Variants in ZFP91 observed in about 807,000 individuals in gnomAD.
ZFP91 encodes E3 ubiquitin-protein ligase ZFP91.
A neutral mutation model predicts 63.5 loss-of-function variants in ZFP91; 7 were observed. That is an observed-to-expected ratio of 0.11 (90% CI 0.06 to 0.21). The LOEUF (loss-of-function observed/expected upper bound fraction) is 0.21, where lower values mean the gene tolerates loss of function less well. ZFP91 is among the 10% of genes least tolerant of loss of function. ZFP91 has a pLI of 1.00. For synonymous variants in ZFP91, 330 were observed against 272.1 expected, an observed-to-expected ratio of 1.21 and a Z score of -2.10; for missense variants, 628 against 736.6, an observed-to-expected ratio of 0.85 and a Z score of 1.71.
At chr11:58,602,598 G>A (rs761575352) in intron 2 of ZFP91, among the ~76,000 whole-genome samples, 1 of 152,114 alleles carries the variant, frequency 6.6e-6, no homozygotes, top group African/African-American at 2.4e-5. Context: ...GATATTAGTA[G>A]GGCCACCTTT....
Position 58,609,897 on chromosome 11 carries a change from T to A in ZFP91, c.438T>A (p.Ser146=). The change falls in exon 3 of 11, where the codon TCT becomes TCA. Residue 146 remains serine, a synonymous_variant. Transcript: ENST00000316059. ...ALPQEVSIAA[S]RPSRGWRSSR... is the part of the protein sequence containing the mutation. ...CTCAGGAAGTTTCCATTGCTGCATCTAGACCTAGCCGGGGCTGGCGTAGTA... is the reference window on the plus strand; with the variant it reads ...CTCAGGAAGTTTCCATTGCTGCATCAAGACCTAGCCGGGGCTGGCGTAGTA... The A allele has an allele frequency of 6.2e-7, 1 of 1,614,216 alleles. No individual in the cohort carries two copies. Among genetic ancestry groups the A allele is most frequent in the Non-Finnish European group, 8.5e-7 (1 of 1,180,032 alleles).
At chr11:58,611,398 C>G in intron 5 of ZFP91, 1 of 625,234 alleles carries the variant, frequency 1.6e-6, no homozygotes, top group East Asian at 2.8e-5. Context: ...CATCTTTAGT[C>G]TGGGGAGGGT....
chr11:58,580,176 A>G (rs1437037038), intron 1 of ZFP91, among the ~76,000 whole-genome samples: 3 of 151,780 alleles, frequency 2.0e-5, no homozygotes, highest in African/African-American at 7.3e-5. Flanking sequence ...GGTCAGGTTA[A>G]AAGCCCACTG....
intron 2 of ZFP91, among the ~76,000 whole-genome samples, chr11:58,607,319 T>A (rs1218364636): frequency 6.6e-6 from 1 of 152,250 alleles, no homozygotes; most frequent in Non-Finnish European, 1.5e-5. Flanking sequence ...TCTCAAAATA[T>A]GATTTCTAAA....
chr11:58,589,759 G>A (rs555597911), intron 2 of ZFP91, among the ~76,000 whole-genome samples: 5 of 152,290 alleles, frequency 3.3e-5, no homozygotes, highest in African/African-American at 9.6e-5. Flanking sequence ...GTATGGCCCA[G>A]ATCCTTTAAT....
At chr11:58,589,817 TATTA>T (rs1252725164) in intron 2 of ZFP91, among the ~76,000 whole-genome samples, 13 of 152,210 alleles carry the variant, frequency 8.5e-5, no homozygotes, top group Non-Finnish European at 1.5e-5. Context: ...TCTTTTCCAT[TATTA>T]ATTTCCTACA....
chr11:58,612,536 TG>T, intron 7 of ZFP91: 1 of 625,500 alleles, frequency 1.6e-6, no homozygotes, highest in South Asian at 2.1e-5. Flanking sequence ...ACTTTACCTT[TG>T]GGGGGTCATT....
At chr11:58,614,086 G>A in intron 8 of ZFP91, 143 bp from the exon 9 acceptor site, 1 of 472,846 alleles carries the variant, frequency 2.1e-6, no homozygotes, top group Non-Finnish European at 3.7e-6. Flanking sequence ...TATGTTCTTA[G>A]CCACTTTATT....
chr11:58,593,245 C>CT (rs1555016027), intron 2 of ZFP91, among the ~76,000 whole-genome samples: 1 of 152,190 alleles, frequency 6.6e-6, no homozygotes, highest in African/African-American at 2.4e-5. Context: ...GAATGAAACT[C>CT]TAAGTTTATC....
At chr11:58,587,517 T>G (rs547850281) in intron 2 of ZFP91, among the ~76,000 whole-genome samples, 1 of 152,286 alleles carries the variant, frequency 6.6e-6, no homozygotes, top group South Asian at 2.1e-4. Flanking sequence ...TACTTCAAAC[T>G]TGAAAGCTTA....
At chr11:58,590,781 G>A (rs1279334578) in intron 2 of ZFP91, among the ~76,000 whole-genome samples, 1 of 152,104 alleles carries the variant, frequency 6.6e-6, no homozygotes, top group Non-Finnish European at 1.5e-5. Context: ...CTGTGTTTAA[G>A]AGTGGGATTG....
Position 58,618,763 on chromosome 11 carries a change from A to C in ZFP91, c.*1057A>C. 2.2e-6 allele frequency: 1 copy of C among 449,842 alleles called. No individual in the cohort carries two copies. The highest frequency in any genetic ancestry group is 4.4e-6 in the Non-Finnish European group (1 of 224,998). The allele number at this position is 449,842 out of a possible 1,614,324, so 27.9% of individuals were successfully genotyped here. ...TTAAAGAAAGCTGGTCCTCAGCACT[A>C]ACAAAATCACTACAATAGCCTAGTG... On this transcript the variant is annotated 3_prime_UTR_variant, in exon 11 of 11. Coordinates refer to ENST00000316059, the MANE Select transcript of ZFP91 (RefSeq NM_053023.5).
chr11:58,612,479 T>C (rs1219283606), intron 7 of ZFP91, 151 bp downstream of exon 7: 2 of 708,618 alleles, frequency 2.8e-6, no homozygotes, highest in South Asian at 2.0e-5. Flanking sequence ...ACAGGTGTTA[T>C]GATCTTATTT....
chr11:58,591,969 A>G (rs1232739396), intron 2 of ZFP91, among the ~76,000 whole-genome samples: 1 of 152,126 alleles, frequency 6.6e-6, no homozygotes, highest in African/African-American at 2.4e-5. Context: ...GGTTTTCAGC[A>G]ATCTCAGTTT....
In ZFP91 at chr11:58,579,065, GGC is replaced by G. The variant is rs35866007; in HGVS notation, c.-202_-201del. ...TCCGATTGGCCCGCTGAGCGTCTGT[GGC>G]GCGCGCGCGCGCGCCGCCAGCGGTA... is the stretch of plus-strand genomic sequence containing the variant. On this transcript the variant is annotated 5_prime_UTR_variant, in exon 1 of 11. Transcript: ENST00000316059. 1.3e-3 allele frequency: 456 copies of G among 338,716 alleles called. No homozygotes were observed. The highest frequency in any genetic ancestry group is 1.9e-3 in the South Asian group (26 of 13,454). The allele number at this position is 338,716 out of a possible 1,614,324, so 21.0% of individuals were successfully genotyped here.
chr11:58,606,587 A>C (rs551750150), intron 2 of ZFP91, among the ~76,000 whole-genome samples: 1 of 152,212 alleles, frequency 6.6e-6, no homozygotes, highest in East Asian at 1.9e-4. Context: ...TAGGATACAA[A>C]TGATCCCATC....
chr11:58,611,573 G>T (rs1855663303), intron 5 of ZFP91, 31 bp from the exon 6 acceptor site: 1 of 1,601,622 alleles, frequency 6.2e-7, no homozygotes, highest in South Asian at 1.1e-5. Flanking sequence ...AAGATCTTTT[G>T]TCTAGTATTG....
chr11:58,588,231 A>G (rs935881676), intron 2 of ZFP91, among the ~76,000 whole-genome samples: 2 of 152,178 alleles, frequency 1.3e-5, no homozygotes, highest in African/African-American at 4.8e-5. Flanking sequence ...TGAAATAGTG[A>G]TGTTTGACAG....
At chr11:58,581,031 C>T (rs921533433) in intron 1 of ZFP91, among the ~76,000 whole-genome samples, 8 of 152,144 alleles carry the variant, frequency 5.3e-5, no homozygotes, top group Non-Finnish European at 1.2e-4. Context: ...GCCTTAGTTT[C>T]CTTACCTATA....
Sources: allele counts gnomAD v4.1 joint callset (sites outside exome capture counted in the v4.1 genomes callset), GRCh38; gene constraint gnomAD v4.1.1; transcripts MANE v1.5; gene names NCBI Gene and HGNC (gene_info 2026-07-23, HGNC 2026-07-21).